The following BAIAP2L1 variants were observed in gnomAD, a reference collection of about 807,000 sequenced individuals.
BAIAP2L1 encodes the protein BAR/IMD domain containing adaptor protein 2 like 1.
In BAIAP2L1, 35 loss-of-function variants were observed where a neutral mutation model predicts 66.3. That is an observed-to-expected ratio of 0.53 (90% CI 0.40 to 0.70). The LOEUF (loss-of-function observed/expected upper bound fraction) is 0.70. BAIAP2L1 is among the 30% of genes least tolerant of loss of function. BAIAP2L1 has a pLI of 0.00. For missense variants in BAIAP2L1, 622 were observed against 656.9 expected (o/e 0.95, Z 0.58); for synonymous variants, 269 against 248.7 (o/e 1.08, Z -0.77).
intron 3 of BAIAP2L1, among the ~76,000 whole-genome samples, chr7:98,346,620 A>T (rs2115657378): frequency 6.6e-6 from 1 of 152,318 alleles, no homozygotes; most frequent in South Asian, 2.1e-4. Flanking sequence ...AAGATTAGAC[A>T]GTTGCAGTAA....
intron 3 of BAIAP2L1, among the ~76,000 whole-genome samples, chr7:98,322,666 C>T (rs557323958): frequency 4.6e-5 from 7 of 152,266 alleles, no homozygotes; most frequent in African/African-American, 1.4e-4. Context: ...TCCCATCCAC[C>T]CCCAGCACTC....
At chr7:98,302,977 G>A (rs1257441649) in intron 12 of BAIAP2L1, among the ~76,000 whole-genome samples, 1 of 151,982 alleles carries the variant, frequency 6.6e-6, no homozygotes, top group Non-Finnish European at 1.5e-5. Flanking sequence ...GTCTACATAG[G>A]GTTTTGCTAT....
At chr7:98,315,431 C>T (rs755610892) in intron 7 of BAIAP2L1, 29 bp downstream of exon 7, 2 of 1,372,968 alleles carry the variant, frequency 1.5e-6, no homozygotes, top group East Asian at 2.7e-5. Context: ...GTTATTAATA[C>T]GCTCAAGGCA....
At chr7:98,340,578 C>T (rs958936026) in intron 3 of BAIAP2L1, among the ~76,000 whole-genome samples, 7 of 152,130 alleles carry the variant, frequency 4.6e-5, no homozygotes, top group African/African-American at 9.7e-5. Flanking sequence ...TGAGCCACCA[C>T]GCCCGGCTAT....
chr7:98,308,501 T>G (rs1434794814), intron 9 of BAIAP2L1: 2 of 362,878 alleles, frequency 5.5e-6, no homozygotes, highest in Non-Finnish European at 1.1e-5. Context: ...GTGCTGCTAT[T>G]TATTATCCAC....
At chr7:98,347,953 T>C (rs992075797) in intron 3 of BAIAP2L1, among the ~76,000 whole-genome samples, 2 of 151,358 alleles carry the variant, frequency 1.3e-5, no homozygotes, top group South Asian at 4.2e-4. Context: ...AACATGGACA[T>C]AGGGAGGGGA....
In BAIAP2L1 at chr7:98,365,168, T is replaced by G. The variant is rs991942918; in HGVS notation, c.52-2736A>C. 9.9e-5 allele frequency among the ~76,000 whole-genome samples: 15 copies of G among 151,970 alleles called. 1 individual carries two copies. The highest frequency in any genetic ancestry group is 2.9e-4 in the African/African-American group (12 of 41,384). On this transcript the variant is annotated intron_variant, in intron 1 of 13. Coordinates refer to ENST00000005260, the MANE Select transcript of BAIAP2L1 (RefSeq NM_018842.5). Reference sequence around the variant, plus strand: ...GCACCATGGTCTGTCCCAGCATTTTTTTTGTTTGTTTTTCATTTATTTTAC... The same window carrying G: ...GCACCATGGTCTGTCCCAGCATTTTGTTTGTTTGTTTTTCATTTATTTTAC...
At chr7:98,338,720 T>C (rs934468225) in intron 3 of BAIAP2L1, among the ~76,000 whole-genome samples, 4 of 152,152 alleles carry the variant, frequency 2.6e-5, no homozygotes, top group African/African-American at 9.7e-5. Context: ...CAGGTGGACA[T>C]CTGGGCTGCC....
Position 98,315,623 on chromosome 7 carries a change from A to ATATT in BAIAP2L1, c.487-12_487-11insAATA. 8.3e-7 allele frequency: 1 copy of ATATT among 1,207,740 alleles called. No individual in the cohort carries two copies. Among genetic ancestry groups the ATATT allele is most frequent in the South Asian group, 2.5e-5 (1 of 39,628 alleles). 74.8% of individuals were successfully genotyped at this position (1,207,740 alleles called of 1,614,324 possible). A position where few individuals can be genotyped will look rare whatever the true frequency, so the allele number is the denominator to read the frequency against. On this transcript the variant is annotated splice_polypyrimidine_tract_variant and intron_variant, in intron 6 of 13. Coordinates refer to ENST00000005260, the MANE Select transcript of BAIAP2L1 (RefSeq NM_018842.5). ...AACGGTCTCCACATACTAAAAAAAA[A>ATATT]AAAATAATAATAATAATAATTATAT...
intron 2 of BAIAP2L1, among the ~76,000 whole-genome samples, chr7:98,361,056 T>C (rs935576732): frequency 3.3e-5 from 5 of 151,846 alleles, no homozygotes; most frequent in African/African-American, 7.3e-5. Context: ...GAGCAACCAG[T>C]ATGGCAAAAA....
chr7:98,388,859 A>G (rs567421261), intron 1 of BAIAP2L1, among the ~76,000 whole-genome samples: 2 of 151,556 alleles, frequency 1.3e-5, no homozygotes, highest in Admixed American at 1.3e-4. Flanking sequence ...CTGTAGTCCC[A>G]GCTACTTGGG....
At chr7:98,360,845 T>G (rs1023374856) in intron 2 of BAIAP2L1, among the ~76,000 whole-genome samples, 2 of 152,150 alleles carry the variant, frequency 1.3e-5, no homozygotes, top group Non-Finnish European at 2.9e-5. Context: ...ATCCCAGACC[T>G]GCTGCATTTC....
At chr7:98,380,511 A>G (rs990576604) in intron 1 of BAIAP2L1, among the ~76,000 whole-genome samples, 1 of 152,014 alleles carries the variant, frequency 6.6e-6, no homozygotes, top group Admixed American at 6.6e-5. Flanking sequence ...TACCATAAGG[A>G]CAGTATGGTG....
chr7:98,293,610 GAA>G lies in BAIAP2L1; in HGVS notation c.1461-16_1461-15del. 1 of 1,610,278 alleles carries G rather than the reference GAA, an allele frequency of 6.2e-7. No individual in the cohort carries two copies. The highest frequency in any genetic ancestry group is 8.5e-7 in the Non-Finnish European group (1 of 1,176,536). On this transcript the variant is annotated splice_polypyrimidine_tract_variant and intron_variant, in intron 13 of 13. Coordinates refer to ENST00000005260, the MANE Select transcript of BAIAP2L1 (RefSeq NM_018842.5). The stretch of plus-strand genomic sequence containing the variant: ...GGGTTTTCTCCGCTGCAGGGGATAA[GAA>G]AAATCTTTCAGAACTTCTGCTCTAC...
In BAIAP2L1 at chr7:98,320,256, T is replaced by C. The variant is rs1202867860; in HGVS notation, c.257A>G (p.Asn86Ser). The change falls in exon 4 of 14, where the codon AAC becomes AGC. Residue 86 changes from asparagine (N) to serine (S), a missense_variant. Transcript: ENST00000005260. ...ACGTACATTTTCATCAAGACTCTCG[T>C]TGAGTTTCTTGTGGGTACTTGAAAT... is the stretch of plus-strand genomic sequence containing the variant. ...IEISSTHKKLNESLDENFKKF... is the reference protein window; with the variant it reads ...IEISSTHKKLSESLDENFKKF... The C allele has an allele frequency of 6.2e-7, 1 of 1,609,972 alleles. No individual in the cohort carries two copies. Among genetic ancestry groups the C allele is most frequent in the Non-Finnish European group, 8.5e-7 (1 of 1,177,098 alleles).
intron 3 of BAIAP2L1, among the ~76,000 whole-genome samples, chr7:98,337,888 A>C (rs768772757): frequency 8.6e-5 from 13 of 151,772 alleles, no homozygotes; most frequent in Non-Finnish European, 1.6e-4. Context: ...ACTGCACTCC[A>C]GCCTGGGTGA....
At chr7:98,334,079 C>A (rs1584464323) in intron 3 of BAIAP2L1, among the ~76,000 whole-genome samples, 1 of 152,034 alleles carries the variant, frequency 6.6e-6, no homozygotes, top group Non-Finnish European at 1.5e-5. Flanking sequence ...TCCCGGGGGA[C>A]TCATAAGCTA....
intron 11 of BAIAP2L1, among the ~76,000 whole-genome samples, chr7:98,304,829 T>C (rs936647088): frequency 3.3e-5 from 5 of 151,826 alleles, no homozygotes; most frequent in African/African-American, 4.8e-5. Flanking sequence ...AAAACACTAA[T>C]GTTTTTAGTG....
At chr7:98,374,619 T>A (rs1802578596) in intron 1 of BAIAP2L1, among the ~76,000 whole-genome samples, 1 of 152,168 alleles carries the variant, frequency 6.6e-6, no homozygotes, top group African/African-American at 2.4e-5. Flanking sequence ...TGTAGGTGTC[T>A]CTATAGTACT....
Sources: gnomAD v4.1 joint callset for allele counts (sites outside exome capture counted in the v4.1 genomes callset) on GRCh38, gnomAD v4.1.1 for gene constraint, MANE v1.5 for transcripts, NCBI Gene and HGNC (gene_info 2026-07-23, HGNC 2026-07-21) for gene names.